SMARCE1: variants seen among roughly 807,000 people sequenced by gnomAD.
The protein encoded by SMARCE1 is SWI/SNF related BAF chromatin remodeling complex subunit E1.
A neutral mutation model predicts 54.9 loss-of-function variants in SMARCE1; 13 were observed. The ratio of observed to expected loss-of-function variants is 0.24; its 90% confidence interval spans 0.15 to 0.38. SMARCE1 has a LOEUF of 0.38. Among genes scored for constraint, SMARCE1 ranks in the 10% least tolerant of loss-of-function variants. The pLI, the probability that SMARCE1 is intolerant of heterozygous loss-of-function variation, is 1.00. For synonymous variants in SMARCE1, 151 were observed against 175.3 expected, an observed-to-expected ratio of 0.86 and a Z score of 1.10; for missense variants, 295 against 523.8, an observed-to-expected ratio of 0.56 and a Z score of 4.26.
chr17:40,635,877 C>G, intron 7 of SMARCE1, 54 bp downstream of exon 7: 1 of 1,278,960 alleles, frequency 7.8e-7, no homozygotes, highest in Non-Finnish European at 1.1e-6. Context: ...AGAGATTTCT[C>G]ATATCTTAAC....
At chr17:40,635,647 C>G (rs766055031) in intron 7 of SMARCE1, 51 of 230,486 alleles carry the variant, frequency 2.2e-4, no homozygotes, top group Non-Finnish European at 3.8e-4. Context: ...GCAGATGAGG[C>G]AAAATCCTGA....
chr17:40,625,142 T>A lies in SMARCE1; in HGVS notation c.*3643A>T, dbSNP rs980784728. On this transcript the variant is annotated 3_prime_UTR_variant, in exon 11 of 11. Coordinates refer to ENST00000348513, the MANE Select transcript of SMARCE1 (RefSeq NM_003079.5). ...TAGGTTAAGCCAGTCATTTTGTAGA[T>A]GAAATTGTACACTGGCAATTTCTTA... The A allele has an allele frequency of 6.6e-6, 1 of 152,266 alleles. No homozygotes were observed. Among genetic ancestry groups the A allele is most frequent in the African/African-American group, 2.4e-5 (1 of 41,476 alleles). 9.4% of individuals were successfully genotyped at this position (152,266 alleles called of 1,614,324 possible).
chr17:40,632,150 G>A (rs749925020), intron 8 of SMARCE1, 45 bp downstream of exon 8: 1 of 1,432,142 alleles, frequency 7.0e-7, no homozygotes. Flanking sequence ...CCTGGGATTT[G>A]TGGTATAGGC....
Position 40,631,577 on chromosome 17 carries a change from A to G in SMARCE1, c.816+15T>C, listed in dbSNP as rs1217864161. Reference sequence around the variant, plus strand: ...GTATAGTGATAAAAGTATAGTTAACATATTAAACAGATACCCTTTTAAGTT... The same window carrying G: ...GTATAGTGATAAAAGTATAGTTAACGTATTAAACAGATACCCTTTTAAGTT... On this transcript the variant is annotated intron_variant, in intron 9 of 10. Transcript: ENST00000348513. The G allele has an allele frequency of 1.6e-6, 2 of 1,285,388 alleles. No individual in the cohort carries two copies. Among genetic ancestry groups the G allele is most frequent in the Non-Finnish European group, 2.3e-6 (2 of 884,392 alleles). 79.6% of individuals were successfully genotyped at this position (1,285,388 alleles called of 1,614,324 possible). A position where few individuals can be genotyped will look rare whatever the true frequency, so the allele number is the denominator to read the frequency against.
chr17:40,628,712 C>A lies in SMARCE1; in HGVS notation c.*73G>T. On this transcript the variant is annotated 3_prime_UTR_variant, in exon 11 of 11. Transcript: ENST00000348513. ...AGAAAAAAAATTAATACACAAACCA[C>A]GTAACACCATTAAAACCAAAAAACA... 1 of 1,254,146 alleles carries A rather than the reference C, an allele frequency of 8.0e-7. No individual in the cohort carries two copies. Among genetic ancestry groups the A allele is most frequent in the African/African-American group, 1.5e-5 (1 of 67,708 alleles). The allele number at this position is 1,254,146 out of a possible 1,614,324, so 77.7% of individuals were successfully genotyped here. A position where few individuals can be genotyped will look rare whatever the true frequency, so the allele number is the denominator to read the frequency against.
At chr17:40,633,817 C>CTT (rs2037120064) in intron 7 of SMARCE1, 1 of 152,146 alleles carries the variant, frequency 6.6e-6, no homozygotes, top group Non-Finnish European at 1.5e-5. Context: ...AACCTTTCTA[C>CTT]TTTTTAAGAG....
Position 40,626,505 on chromosome 17 carries a change from C to G in SMARCE1, c.*2280G>C, listed in dbSNP as rs1186748278. The G allele has an allele frequency of 1.3e-5, 2 of 152,154 alleles. No homozygotes were observed. Among genetic ancestry groups the G allele is most frequent in the East Asian group, 3.9e-4 (2 of 5,188 alleles). 9.4% of individuals were successfully genotyped at this position (152,154 alleles called of 1,614,324 possible). A position where few individuals can be genotyped will look rare whatever the true frequency, so the allele number is the denominator to read the frequency against. On this transcript the variant is annotated 3_prime_UTR_variant, in exon 11 of 11. Transcript: ENST00000348513. ...CTAAACTGAGAACCATCTCAAACATCAAGTCTACATATATCACTCTGACCA... is the reference window on the plus strand; with the variant it reads ...CTAAACTGAGAACCATCTCAAACATGAAGTCTACATATATCACTCTGACCA...
chr17:40,643,388 T>C (rs2037218102), intron 3 of SMARCE1: 1 of 152,358 alleles, frequency 6.6e-6, no homozygotes, highest in African/African-American at 2.4e-5. Context: ...AGTTTCCTGA[T>C]AGCTCTCACC....
intron 7 of SMARCE1, chr17:40,634,717 T>C (rs1056445159): frequency 6.6e-6 from 1 of 152,228 alleles, no homozygotes; most frequent in Admixed American, 6.5e-5. Context: ...TCAGTGTTCA[T>C]GGTGTTAATG....
chr17:40,631,831 C>T, intron 8 of SMARCE1, 138 bp from the exon 9 acceptor site: 1 of 589,292 alleles, frequency 1.7e-6, no homozygotes, highest in Non-Finnish European at 3.0e-6. Flanking sequence ...ATACAAAATG[C>T]AGCACAAAGA....
At chr17:40,639,143 G>A (rs2037172777) in intron 4 of SMARCE1, among the ~76,000 whole-genome samples, 1 of 152,148 alleles carries the variant, frequency 6.6e-6, no homozygotes, top group African/African-American at 2.4e-5. Context: ...ATGGCCAGGG[G>A]CATGGAAACT....
chr17:40,625,001 A>G lies in SMARCE1; in HGVS notation c.*3784T>C, dbSNP rs2037022005. The stretch of plus-strand genomic sequence containing the variant: ...CATTTTAATCAGCGTTTGGCTAACA[A>G]TATGAGATAAACTATTAGAGAAGTG... On this transcript the variant is annotated 3_prime_UTR_variant, in exon 11 of 11. Coordinates refer to ENST00000348513, the MANE Select transcript of SMARCE1 (RefSeq NM_003079.5). The G allele has an allele frequency of 6.6e-6, 1 of 152,264 alleles. No homozygotes were observed. Among genetic ancestry groups the G allele is most frequent in the Non-Finnish European group, 1.5e-5 (1 of 68,048 alleles). The allele number at this position is 152,264 out of a possible 1,614,324, so 9.4% of individuals were successfully genotyped here.
chr17:40,626,132 C>T lies in SMARCE1; in HGVS notation c.*2653G>A, dbSNP rs2037032301. The T allele has an allele frequency of 6.6e-6, 1 of 151,990 alleles. No homozygotes were observed. The highest frequency in any genetic ancestry group is 2.4e-5 in the African/African-American group (1 of 41,342). 9.4% of individuals were successfully genotyped at this position (151,990 alleles called of 1,614,324 possible). On this transcript the variant is annotated 3_prime_UTR_variant, in exon 11 of 11. Coordinates refer to ENST00000348513, the MANE Select transcript of SMARCE1 (RefSeq NM_003079.5). ...ATCCCAGCTACTCAGGAGGCTGAGG[C>T]AGGAGAATTGCTGAAACCCAGGAGC... is the stretch of plus-strand genomic sequence containing the variant.
Position 40,642,416 on chromosome 17 carries a change from C to T in SMARCE1, c.156+39G>A. 8.1e-7 allele frequency: 1 copy of T among 1,227,522 alleles called. No individual in the cohort carries two copies. Among genetic ancestry groups the T allele is most frequent in the Non-Finnish European group, 1.2e-6 (1 of 827,168 alleles). The allele number at this position is 1,227,522 out of a possible 1,614,324, so 76.0% of individuals were successfully genotyped here. A position where few individuals can be genotyped will look rare whatever the true frequency, so the allele number is the denominator to read the frequency against. ...TTCTGAAGGCATTTCTGGTCAATTCCAGTTGTTTGCCGGATGCTGTAATAG... is the reference window on the plus strand; with the variant it reads ...TTCTGAAGGCATTTCTGGTCAATTCTAGTTGTTTGCCGGATGCTGTAATAG... On this transcript the variant is annotated intron_variant, in intron 4 of 10. Transcript: ENST00000348513. The surrounding 1 kb of genome is among the most constrained non-coding windows in gnomAD (Gnocchi z 4.6).
rs746301638 is a variant in SMARCE1 at position 40,628,898 on chromosome 17, C to G, written c.1123G>C (p.Asp375His). 1 of 1,613,692 alleles carries G rather than the reference C, an allele frequency of 6.2e-7. No homozygotes were observed. Among genetic ancestry groups the G allele is most frequent in the Admixed American group, 1.7e-5 (1 of 59,988 alleles). The change falls in exon 11 of 11, where the codon GAC (aspartate) becomes CAC (histidine). Residue 375 changes from aspartate (D) to histidine (H), a missense_variant. Asp to His is a moderately conservative substitution (Grantham distance 81). This residue lies in a region of SMARCE1 where 147 missense variants were observed against 161.4 expected (regional missense o/e 0.91). Transcript: ENST00000348513. ...EDKESGQEGV[D>H]SMAEEGTSDS... ...CTGGTTCCTTCCTCTGCCATACTGTCGACCCCCTCCTGCCCACTCTCCTTG... is the reference window on the plus strand; with the variant it reads ...CTGGTTCCTTCCTCTGCCATACTGTGGACCCCCTCCTGCCCACTCTCCTTG...
chr17:40,626,240 G>C lies in SMARCE1; in HGVS notation c.*2545C>G, dbSNP rs1427549925. On this transcript the variant is annotated 3_prime_UTR_variant, in exon 11 of 11. Coordinates refer to ENST00000348513, the MANE Select transcript of SMARCE1 (RefSeq NM_003079.5). The stretch of plus-strand genomic sequence containing the variant: ...ACTGTCTCAAAAAAAAAGGAAAATT[G>C]GGTGACTATCGAGGATTCCCCTCTC... The C allele has an allele frequency of 6.6e-6, 1 of 151,776 alleles. No homozygotes were observed. Among genetic ancestry groups the C allele is most frequent in the Non-Finnish European group, 1.5e-5 (1 of 67,932 alleles). 9.4% of individuals were successfully genotyped at this position (151,776 alleles called of 1,614,324 possible).
chr17:40,637,439 A>C, intron 5 of SMARCE1, 53 bp downstream of exon 5: 5 of 1,367,476 alleles, frequency 3.7e-6, no homozygotes, highest in Non-Finnish European at 5.2e-6. Context: ...GATGTTAAGC[A>C]AAGAAGCAGC....
In SMARCE1 at chr17:40,628,841, C is replaced by T. The variant is rs1597741198; in HGVS notation, c.1180G>A (p.Ala394Thr). 2 of 1,613,836 alleles carry T rather than the reference C, an allele frequency of 1.2e-6. No homozygotes were observed. Among genetic ancestry groups the T allele is most frequent in the Non-Finnish European group, 1.7e-6 (2 of 1,179,828 alleles). The change falls in exon 11 of 11, where the codon GCA (alanine) becomes ACA (threonine). Residue 394 changes from alanine (A) to threonine (T), a missense_variant. Transcript: ENST00000348513. Reference protein sequence around the residue: ...DSNTGSESNSATVEEPPTDPI... With the variant: ...DSNTGSESNSTTVEEPPTDPI... ...TCTGTTGGTGGCTCCTCCACTGTTG[C>T]ACTGTTGCTCTCCGAGCCAGTGTTA...
At chr17:40,631,910 A>G (rs1226536590) in intron 8 of SMARCE1, 1 of 548,434 alleles carries the variant, frequency 1.8e-6, no homozygotes, top group Non-Finnish European at 3.2e-6. Flanking sequence ...TTGGGAAAAA[A>G]TATTTAGCAT....
Sources: gnomAD v4.1 joint callset for allele counts (sites outside exome capture counted in the v4.1 genomes callset) on GRCh38, gnomAD v4.1.1 for gene constraint, gnomAD v4.1.1 regional missense constraint, Gnocchi (gnomAD v3.1) non-coding constraint, MANE v1.5 for transcripts, NCBI Gene and HGNC (gene_info 2026-07-23, HGNC 2026-07-21) for gene names.